Variants in FGGY observed in about 807,000 individuals in gnomAD.
FGGY encodes FGGY carbohydrate kinase domain containing.
FGGY carries 72 observed loss-of-function variants against 71.3 expected under a neutral mutation model. The observed-to-expected ratio is 1.01, with a 90% CI of 0.84 to 1.23. The LOEUF is 1.23. Among genes scored for constraint, FGGY ranks in the 50% most tolerant of loss-of-function variants. The pLI is 0.00. For synonymous variants in FGGY, 251 were observed against 250.3 expected (o/e 1.00, Z -0.02); for missense variants, 668 against 682.3 (o/e 0.98, Z 0.23).
intron 14 of FGGY, among the ~76,000 whole-genome samples, chr1:59,741,843 G>T (rs1476915689): frequency 1.3e-5 from 2 of 151,728 alleles, no homozygotes; most frequent in Non-Finnish European, 2.9e-5. Flanking sequence ...GGAGGCTGAG[G>T]CAGGAGAATG....
intron 5 of FGGY, among the ~76,000 whole-genome samples, chr1:59,421,101 G>A (rs553138404): frequency 3.3e-5 from 5 of 152,256 alleles, no homozygotes; most frequent in Admixed American, 3.3e-4. Flanking sequence ...AAGCCACTTA[G>A]GTGGACCAGT....
chr1:59,691,626 C>CT (rs1302965087), intron 14 of FGGY, among the ~76,000 whole-genome samples: 8 of 144,806 alleles, frequency 5.5e-5, no homozygotes, highest in South Asian at 2.2e-4. Flanking sequence ...CTTTTTTGTT[C>CT]TTTTTTTTTC....
intron 8 of FGGY, among the ~76,000 whole-genome samples, chr1:59,587,384 A>T (rs2096321875): frequency 6.6e-6 from 1 of 152,134 alleles, no homozygotes; most frequent in South Asian, 2.1e-4. Flanking sequence ...ACAAACAAAA[A>T]GACAGCAGTA....
At chr1:59,538,677 A>C (rs2095381051) in intron 7 of FGGY, among the ~76,000 whole-genome samples, 1 of 152,078 alleles carries the variant, frequency 6.6e-6, no homozygotes, top group Admixed American at 6.6e-5. Context: ...AAAAAGGATG[A>C]GTTCATGTCC....
intron 11 of FGGY, among the ~76,000 whole-genome samples, chr1:59,653,089 T>C (rs969565493): frequency 6.6e-6 from 1 of 152,232 alleles, no homozygotes; most frequent in African/African-American, 2.4e-5. Flanking sequence ...AGCGACCCAC[T>C]TGAGGAGGCA....
intron 14 of FGGY, among the ~76,000 whole-genome samples, chr1:59,684,842 C>T (rs142907263): frequency 2.6e-5 from 4 of 152,352 alleles, no homozygotes; most frequent in Non-Finnish European, 4.4e-5. Flanking sequence ...TCCATATTAA[C>T]TGACCCCATT....
chr1:59,654,447 C>G (rs78034197), intron 11 of FGGY, among the ~76,000 whole-genome samples: 1 of 152,172 alleles, frequency 6.6e-6, no homozygotes, highest in African/African-American at 2.4e-5. Flanking sequence ...CCCCATCAAG[C>G]TCTGATGACC....
chr1:59,742,850 T>C (rs1337250698), intron 14 of FGGY, among the ~76,000 whole-genome samples: 1 of 152,234 alleles, frequency 6.6e-6, no homozygotes, highest in African/African-American at 2.4e-5. Flanking sequence ...CCACTTTGCT[T>C]TAATTCTACC....
chr1:59,598,083 T>C (rs75146082), intron 8 of FGGY, among the ~76,000 whole-genome samples: 8,082 of 152,192 alleles, frequency 0.053, 423 homozygotes, highest in African/African-American at 0.14. Flanking sequence ...CCTTGCGTGA[T>C]CCATAGAATA....
chr1:59,490,981 TGC>T (rs2093813233), intron 6 of FGGY, among the ~76,000 whole-genome samples: 1 of 42,120 alleles, frequency 2.4e-5, no homozygotes, highest in East Asian at 5.2e-4. Flanking sequence ...CCAGCCTGCT[TGC>T]TTGCTTGCTT....
At chr1:59,473,102 A>G (rs560769908) in intron 6 of FGGY, among the ~76,000 whole-genome samples, 5 of 152,112 alleles carry the variant, frequency 3.3e-5, no homozygotes, top group Non-Finnish European at 7.4e-5. Context: ...CCCCTTCCAC[A>G]CTGTGGAAGC....
intron 15 of FGGY, among the ~76,000 whole-genome samples, chr1:59,759,384 C>T (rs1430367193): frequency 5.9e-5 from 9 of 152,154 alleles, no homozygotes; most frequent in Non-Finnish European, 1.0e-4. Context: ...ATCTGAGTTC[C>T]CACTGGCAGT....
At chr1:59,621,589 C>T (rs549605233) in intron 9 of FGGY, among the ~76,000 whole-genome samples, 64 of 151,142 alleles carry the variant, frequency 4.2e-4, no homozygotes, top group African/African-American at 1.5e-3. Flanking sequence ...TATTTTTGCT[C>T]ACTATAGAAT....
At chr1:59,443,799 G>A (rs1173278216) in intron 5 of FGGY, among the ~76,000 whole-genome samples, 1 of 152,174 alleles carries the variant, frequency 6.6e-6, no homozygotes, top group Non-Finnish European at 1.5e-5. Context: ...TCTTCTGAGT[G>A]ACACTGGGAA....
intron 8 of FGGY, among the ~76,000 whole-genome samples, chr1:59,595,626 G>C (rs982356831): frequency 2.6e-5 from 4 of 152,164 alleles, no homozygotes; most frequent in Non-Finnish European, 5.9e-5. Flanking sequence ...GGAGGCAGAA[G>C]TTGCAGTGAG....
chr1:59,572,218 A>T (rs369318301), intron 8 of FGGY, among the ~76,000 whole-genome samples: 7 of 152,310 alleles, frequency 4.6e-5, no homozygotes, highest in Admixed American at 2.6e-4. Context: ...AAGGCAAGGC[A>T]GTGATGTTTG....
intron 2 of FGGY, among the ~76,000 whole-genome samples, chr1:59,325,202 A>AC (rs2047177873): frequency 6.6e-6 from 1 of 151,622 alleles, no homozygotes; most frequent in Admixed American, 6.6e-5. Flanking sequence ...AAATACAAAA[A>AC]AAAAATTAAC....
At chr1:59,526,354 G>T (rs1230587668) in intron 7 of FGGY, among the ~76,000 whole-genome samples, 5 of 152,192 alleles carry the variant, frequency 3.3e-5, no homozygotes, top group African/African-American at 9.7e-5. Context: ...TGTGTAAAAA[G>T]CAAGGCAGAG....
intron 14 of FGGY, among the ~76,000 whole-genome samples, chr1:59,738,454 A>G (rs1030387196): frequency 6.6e-6 from 1 of 152,232 alleles, no homozygotes; most frequent in Non-Finnish European, 1.5e-5. Flanking sequence ...GTGTTTACTC[A>G]AAGATGGGGA....
Sources: allele counts gnomAD v4.1 joint callset (sites outside exome capture counted in the v4.1 genomes callset), GRCh38; gene constraint gnomAD v4.1.1; transcripts MANE v1.5; gene names NCBI Gene and HGNC (gene_info 2026-07-23, HGNC 2026-07-21).